HS6ST3: variants seen among roughly 807,000 people sequenced by gnomAD.
The protein encoded by HS6ST3 is heparan-sulfate 6-O-sulfotransferase 3.
A neutral mutation model predicts 36.7 loss-of-function variants in HS6ST3; 12 were observed. The observed-to-expected ratio is 0.33, with a 90% CI of 0.21 to 0.53. The LOEUF (loss-of-function observed/expected upper bound fraction) is 0.53, where lower values mean the gene tolerates loss of function less well. HS6ST3 is among the 20% of genes least tolerant of loss of function. HS6ST3 has a pLI of 0.95. For synonymous variants in HS6ST3, 240 were observed against 257.5 expected, an observed-to-expected ratio of 0.93 and a Z score of 0.65; for missense variants, 584 against 640.9, an observed-to-expected ratio of 0.91 and a Z score of 0.96.
chr13:96,276,702 G>C (rs2054750179), intron 1 of HS6ST3, among the ~76,000 whole-genome samples: 1 of 152,092 alleles, frequency 6.6e-6, no homozygotes, highest in African/African-American at 2.4e-5. Context: ...AGAATTCTTT[G>C]CTGGTGTTGT....
intron 1 of HS6ST3, among the ~76,000 whole-genome samples, chr13:96,792,490 C>T (rs1316021374): frequency 6.6e-6 from 1 of 151,878 alleles, no homozygotes; most frequent in African/African-American, 2.4e-5. Context: ...AGCTCCCTGG[C>T]CATCTATTGC....
At chr13:96,326,537 A>G (rs918211030) in intron 1 of HS6ST3, among the ~76,000 whole-genome samples, 3 of 152,058 alleles carry the variant, frequency 2.0e-5, no homozygotes, top group African/African-American at 7.2e-5. Context: ...ATAGTATTCT[A>G]TGGTGTATAT....
At chr13:96,561,446 AG>A (rs1302008138) in intron 1 of HS6ST3, among the ~76,000 whole-genome samples, 1 of 152,180 alleles carries the variant, frequency 6.6e-6, no homozygotes, top group East Asian at 1.9e-4. Context: ...AAGAAAGCCT[AG>A]GAAACACCAT....
At chr13:96,664,247 A>G (rs2056656047) in intron 1 of HS6ST3, among the ~76,000 whole-genome samples, 2 of 152,326 alleles carry the variant, frequency 1.3e-5, no homozygotes, top group Non-Finnish European at 1.5e-5. Context: ...TGCTGTGTGT[A>G]TGTAAGAAAT....
intron 1 of HS6ST3, among the ~76,000 whole-genome samples, chr13:96,496,843 G>A (rs912069442): frequency 6.6e-6 from 1 of 152,106 alleles, no homozygotes; most frequent in African/African-American, 2.4e-5. Flanking sequence ...AATAAACTTA[G>A]GTCTGTAGAG....
At chr13:96,577,918 T>G (rs1353338029) in intron 1 of HS6ST3, among the ~76,000 whole-genome samples, 2 of 152,236 alleles carry the variant, frequency 1.3e-5, no homozygotes, top group Non-Finnish European at 2.9e-5. Context: ...TCAACCATTG[T>G]GGAAGACTGT....
At chr13:96,814,428 T>G (rs553205900) in intron 1 of HS6ST3, among the ~76,000 whole-genome samples, 1 of 152,288 alleles carries the variant, frequency 6.6e-6, no homozygotes, top group East Asian at 1.9e-4. Context: ...ATATATCTAA[T>G]CTCTTTTCAG....
At chr13:96,223,916 T>G (rs1297118404) in intron 1 of HS6ST3, among the ~76,000 whole-genome samples, 1 of 152,102 alleles carries the variant, frequency 6.6e-6, no homozygotes, top group Non-Finnish European at 1.5e-5. Flanking sequence ...AGCTAGTTCT[T>G]TATATAATCT....
intron 1 of HS6ST3, among the ~76,000 whole-genome samples, chr13:96,520,725 A>T (rs1686413035): frequency 6.6e-6 from 1 of 152,222 alleles, no homozygotes; most frequent in Admixed American, 6.5e-5. Flanking sequence ...GAAGTTGCTT[A>T]TCAGCTTAAG....
intron 1 of HS6ST3, among the ~76,000 whole-genome samples, chr13:96,435,611 A>G (rs1021288099): frequency 6.6e-6 from 1 of 152,210 alleles, no homozygotes. Context: ...AGCGACAAGC[A>G]TAGTACTAGG....
At chr13:96,560,869 T>G (rs904509221) in intron 1 of HS6ST3, among the ~76,000 whole-genome samples, 1 of 152,118 alleles carries the variant, frequency 6.6e-6, no homozygotes, top group African/African-American at 2.4e-5. Context: ...TACCCAACAC[T>G]GATGAAAGAA....
chr13:96,250,755 G>A (rs1927803), intron 1 of HS6ST3, among the ~76,000 whole-genome samples: 3 of 152,152 alleles, frequency 2.0e-5, no homozygotes, highest in East Asian at 1.9e-4. Context: ...CCGGCAGTAC[G>A]TACCTTCTAC....
chr13:96,786,689 A>G (rs1877661099), intron 1 of HS6ST3, among the ~76,000 whole-genome samples: 1 of 152,186 alleles, frequency 6.6e-6, no homozygotes, highest in Admixed American at 6.6e-5. Context: ...CAAATTTAGG[A>G]TAATTATACA....
At chr13:96,553,379 C>T (rs1272613583) in intron 1 of HS6ST3, among the ~76,000 whole-genome samples, 1 of 152,082 alleles carries the variant, frequency 6.6e-6, no homozygotes, top group Non-Finnish European at 1.5e-5. Context: ...GAAAAGGATG[C>T]GAATAAGCCC....
At chr13:96,795,158 C>G (rs1428702838) in intron 1 of HS6ST3, among the ~76,000 whole-genome samples, 1 of 151,752 alleles carries the variant, frequency 6.6e-6, no homozygotes, top group Non-Finnish European at 1.5e-5. Flanking sequence ...ACCTTTCACT[C>G]TTTTTTTTAA....
intron 1 of HS6ST3, among the ~76,000 whole-genome samples, chr13:96,114,738 G>A (rs968233296): frequency 1.6e-4 from 24 of 152,216 alleles, no homozygotes; most frequent in Non-Finnish European, 2.6e-4. Context: ...ATAAGATATA[G>A]ATGGGTGTAA....
intron 1 of HS6ST3, among the ~76,000 whole-genome samples, chr13:96,106,832 G>T (rs1451161846): frequency 6.6e-6 from 1 of 152,230 alleles, no homozygotes; most frequent in Non-Finnish European, 1.5e-5. Flanking sequence ...GAAGAGCAGA[G>T]ATGTGAATAA....
chr13:96,335,598 A>G (rs2055096712), intron 1 of HS6ST3, among the ~76,000 whole-genome samples: 1 of 152,162 alleles, frequency 6.6e-6, no homozygotes, highest in Non-Finnish European at 1.5e-5. Flanking sequence ...TTCCATGGCA[A>G]TTCTAACTTC....
chr13:96,387,929 T>A (rs566326257), intron 1 of HS6ST3, among the ~76,000 whole-genome samples: 3 of 152,306 alleles, frequency 2.0e-5, no homozygotes, highest in Admixed American at 1.3e-4. Context: ...CCATCTGGTG[T>A]AGGTTTCGCC....
Sources: gnomAD v4.1 joint callset for allele counts (sites outside exome capture counted in the v4.1 genomes callset) on GRCh38, gnomAD v4.1.1 for gene constraint, MANE v1.5 for transcripts, NCBI Gene and HGNC (gene_info 2026-07-23, HGNC 2026-07-21) for gene names.